Variants in MACROH2A2 observed in about 807,000 individuals in gnomAD.
The protein encoded by MACROH2A2 is macroH2A.2 histone.
A neutral mutation model predicts 37.6 loss-of-function variants in MACROH2A2; 6 were observed. That is an observed-to-expected ratio of 0.16 (90% CI 0.09 to 0.32). MACROH2A2 has a LOEUF of 0.32. MACROH2A2 is among the 10% of genes least tolerant of loss of function. MACROH2A2 has a pLI of 1.00. For missense variants in MACROH2A2, 290 were observed against 485.9 expected (o/e 0.60, Z 3.79); for synonymous variants, 192 against 202.7 (o/e 0.95, Z 0.45).
At position 70,079,106 on chromosome 10, in the gene MACROH2A2, G is replaced by T. The variant is rs76824895; in HGVS notation, c.172+3276G>T. On this transcript the variant is annotated intron_variant, in intron 2 of 8. Transcript: ENST00000373255. ...CCTCACAATAAGATCAGGTGCTGTC[G>T]GGCAGGGAATGAGAGGAACTTCGGG... Among the ~76,000 whole-genome samples, 618 of 152,234 alleles carry T rather than the reference G, an allele frequency of 4.1e-3. 8 individuals are homozygous for T. Among genetic ancestry groups the T allele is most frequent in the African/African-American group, 0.014 (589 of 41,520 alleles).
At chr10:70,095,420 G>T (rs1165901466) in intron 5 of MACROH2A2, among the ~76,000 whole-genome samples, 1 of 151,296 alleles carries the variant, frequency 6.6e-6, no homozygotes, top group African/African-American at 2.4e-5. Context: ...CAGGGAAGAA[G>T]AAATGGATTT....
intron 2 of MACROH2A2, among the ~76,000 whole-genome samples, chr10:70,088,029 G>T (rs1207279486): frequency 6.6e-6 from 1 of 152,180 alleles, no homozygotes; most frequent in Non-Finnish European, 1.5e-5. Flanking sequence ...TGATTGCAAA[G>T]ACTCATACAA....
At chr10:70,098,997 G>C (rs116582711) in intron 6 of MACROH2A2, 219 of 152,288 alleles carry the variant, frequency 1.4e-3, no homozygotes, top group African/African-American at 5.0e-3. Flanking sequence ...CCTGAATGCA[G>C]AGGGCGCCAG....
At chr10:70,081,922 T>A (rs1457884382) in intron 2 of MACROH2A2, among the ~76,000 whole-genome samples, 1 of 152,226 alleles carries the variant, frequency 6.6e-6, no homozygotes, top group African/African-American at 2.4e-5. Context: ...TTATTACACA[T>A]TTAATGCCTG....
Position 70,052,965 on chromosome 10 carries a change from G to A in MACROH2A2, c.-95G>A, listed in dbSNP as rs1355994174. The A allele has an allele frequency of 2.6e-5, 4 of 152,456 alleles. No individual in the cohort carries two copies. The highest frequency in any genetic ancestry group is 5.9e-5 in the Non-Finnish European group (4 of 68,204). The allele number at this position is 152,456 out of a possible 1,614,324, so 9.4% of individuals were successfully genotyped here. On this transcript the variant is annotated 5_prime_UTR_variant, in exon 1 of 9. Coordinates refer to ENST00000373255, the MANE Select transcript of MACROH2A2 (RefSeq NM_018649.3). Reference sequence around the variant, plus strand: ...TGCGCCCGTGGAGGGGCGCGCAGAGGGCACCGGGCGCCGGGAGCAGGCGGC... The same window carrying A: ...TGCGCCCGTGGAGGGGCGCGCAGAGAGCACCGGGCGCCGGGAGCAGGCGGC...
intron 7 of MACROH2A2, 73 bp from the exon 8 acceptor site, chr10:70,108,960 A>C (rs570107923): frequency 1.5e-4 from 193 of 1,329,446 alleles, no homozygotes; most frequent in Non-Finnish European, 1.8e-4. Context: ...TCTAACAGGT[A>C]CCTGATGAGG....
intron 7 of MACROH2A2, among the ~76,000 whole-genome samples, chr10:70,108,746 T>C (rs2072352155): frequency 6.6e-6 from 1 of 152,134 alleles, no homozygotes. Context: ...CTAGGAACCA[T>C]TGTGAGGAGG....
rs545578607 is a variant in MACROH2A2 at position 70,096,624 on chromosome 10, C to A, written c.688+871C>A. ...CTGGAAATAACAGCATGCTAACAGT[C>A]CCCATCCCATCCATTTTTACCAAGC... is the stretch of plus-strand genomic sequence containing the variant. On this transcript the variant is annotated intron_variant, in intron 6 of 8. Coordinates refer to ENST00000373255, the MANE Select transcript of MACROH2A2 (RefSeq NM_018649.3). Among the ~76,000 whole-genome samples, 15 of 152,194 alleles carry A rather than the reference C, an allele frequency of 9.9e-5. No individual in the cohort carries two copies. The South Asian group carries it at 3.1e-3, about 32-fold the overall frequency.
chr10:70,107,212 A>G lies in MACROH2A2; in HGVS notation c.779-1821A>G, dbSNP rs2072343577. Among the ~76,000 whole-genome samples the G allele has an allele frequency of 6.6e-6, 1 of 152,172 alleles. No individual in the cohort carries two copies. Among genetic ancestry groups the G allele is most frequent in the South Asian group, 2.1e-4 (1 of 4,828 alleles). On this transcript the variant is annotated intron_variant, in intron 7 of 8. Transcript: ENST00000373255. The surrounding 1 kb of genome is among the most constrained non-coding windows in gnomAD (Gnocchi z 4.4). ...AGGCACTGGAAGGCAGGGAGCCTACAGCCTCCCCTGATGGACGAAGGGGTC... is the reference window on the plus strand; with the variant it reads ...AGGCACTGGAAGGCAGGGAGCCTACGGCCTCCCCTGATGGACGAAGGGGTC...
chr10:70,079,565 G>GCGCGCA lies in MACROH2A2; in HGVS notation c.172+3736_172+3737insGCGCAC, dbSNP rs1386558755. 3.9e-3 allele frequency among the ~76,000 whole-genome samples: 489 copies of GCGCGCA among 126,256 alleles called. 2 individuals are homozygous for GCGCGCA. The highest frequency in any genetic ancestry group is 5.8e-3 in the Admixed American group (76 of 13,060). 82.8% of individuals were successfully genotyped at this position (126,256 alleles called of 152,430 possible). On this transcript the variant is annotated intron_variant, in intron 2 of 8. Transcript: ENST00000373255. Reference sequence around the variant, plus strand: ...ACGTTGAGGGTTCGCGCGCGCGCGCGCACACACACACACACACACACACAC... The same window carrying GCGCGCA: ...ACGTTGAGGGTTCGCGCGCGCGCGCGCGCGCACACACACACACACACACACACACAC...
chr10:70,092,110 T>C (rs2072249041), intron 4 of MACROH2A2, among the ~76,000 whole-genome samples, 156 bp downstream of exon 4: 1 of 152,128 alleles, frequency 6.6e-6, no homozygotes, highest in East Asian at 1.9e-4. Context: ...GGGCGAGTCC[T>C]CACGAATGGG....
At chr10:70,106,713 G>C (rs1264284371) in intron 7 of MACROH2A2, among the ~76,000 whole-genome samples, 3 of 146,892 alleles carry the variant, frequency 2.0e-5, no homozygotes, top group African/African-American at 7.6e-5. Context: ...CAGGAGAATC[G>C]AATCGCTTGA....
chr10:70,075,045 T>G lies in MACROH2A2; in HGVS notation c.-59-555T>G, dbSNP rs1366125366. Among the ~76,000 whole-genome samples, 1 of 152,224 alleles carries G rather than the reference T, an allele frequency of 6.6e-6. No individual in the cohort carries two copies. Among genetic ancestry groups the G allele is most frequent in the Admixed American group, 6.5e-5 (1 of 15,284 alleles). On this transcript the variant is annotated intron_variant, in intron 1 of 8. Coordinates refer to ENST00000373255, the MANE Select transcript of MACROH2A2 (RefSeq NM_018649.3). This position sits in a 1 kb window ranked among gnomAD's most constrained non-coding sequence, Gnocchi z 5.0. ...AAGTCCAAAATTAGCCTTACTGGGCTAAAGTCAAGGTATCAGCAGGACTAA... is the reference window on the plus strand; with the variant it reads ...AAGTCCAAAATTAGCCTTACTGGGCGAAAGTCAAGGTATCAGCAGGACTAA...
At chr10:70,078,839 G>A (rs1481745806) in intron 2 of MACROH2A2, among the ~76,000 whole-genome samples, 1 of 151,984 alleles carries the variant, frequency 6.6e-6, no homozygotes, top group Non-Finnish European at 1.5e-5. Context: ...TGACATGGGG[G>A]ATTTTAGTCT....
intron 1 of MACROH2A2, among the ~76,000 whole-genome samples, chr10:70,056,086 A>G (rs1011062299): frequency 1.3e-5 from 2 of 152,236 alleles, no homozygotes; most frequent in Middle Eastern, 3.2e-3. Flanking sequence ...ATACATCTCT[A>G]TAAGTAAAAA....
At chr10:70,056,441 G>T (rs1408271619) in intron 1 of MACROH2A2, among the ~76,000 whole-genome samples, 1 of 152,132 alleles carries the variant, frequency 6.6e-6, no homozygotes, top group Non-Finnish European at 1.5e-5. Context: ...ACCATGCCCG[G>T]CCAAGTTCTG....
intron 7 of MACROH2A2, among the ~76,000 whole-genome samples, chr10:70,104,535 C>T (rs1331865475): frequency 6.6e-6 from 1 of 152,034 alleles, no homozygotes; most frequent in Non-Finnish European, 1.5e-5. Context: ...ATTAGCTGGG[C>T]GTGGTGGTGG....
intron 2 of MACROH2A2, among the ~76,000 whole-genome samples, chr10:70,087,296 C>A (rs1370511012): frequency 1.3e-5 from 2 of 151,266 alleles, no homozygotes; most frequent in Non-Finnish European, 2.9e-5. Context: ...TGCGGTGGCC[C>A]AGTCTCGGCT....
intron 8 of MACROH2A2, among the ~76,000 whole-genome samples, chr10:70,110,489 A>C (rs573423182): frequency 6.6e-6 from 1 of 152,298 alleles, no homozygotes; most frequent in South Asian, 2.1e-4. Context: ...GTTTGGAGGG[A>C]GCTAATAAAA....
Sources: gnomAD v4.1 joint callset for allele counts (sites outside exome capture counted in the v4.1 genomes callset) on GRCh38, gnomAD v4.1.1 for gene constraint, Gnocchi (gnomAD v3.1) non-coding constraint, MANE v1.5 for transcripts, NCBI Gene and HGNC (gene_info 2026-07-23, HGNC 2026-07-21) for gene names.